The following ADI1 variants were observed in gnomAD, a reference collection of about 807,000 sequenced individuals.
ADI1 encodes the protein acireductone dioxygenase 1.
ADI1 carries 21 observed loss-of-function variants against 18.7 expected under a neutral mutation model. The observed-to-expected ratio is 1.13, with a 90% confidence interval of 0.80 to 1.62. The LOEUF (loss-of-function observed/expected upper bound fraction) is 1.62. Ranked by LOEUF, ADI1 falls within the 40% of genes most tolerant of loss-of-function variation. The pLI, the probability that ADI1 is intolerant of heterozygous loss-of-function variation, is 0.00. For missense variants in ADI1, 245 were observed against 254.9 expected, an observed-to-expected ratio of 0.96 and a Z score of 0.26; for synonymous variants, 90 against 100.1, an observed-to-expected ratio of 0.90 and a Z score of 0.60.
chr2:3,519,179 C>T, intron 1 of ADI1, 189 bp downstream of exon 1: 1 of 825,316 alleles, frequency 1.2e-6, no homozygotes, highest in Non-Finnish European at 1.7e-6. Context: ...CCACCCAGCC[C>T]CACTGCTGAG....
At chr2:3,513,446 G>A (rs886575427) in intron 2 of ADI1, among the ~76,000 whole-genome samples, 56 of 152,254 alleles carry the variant, frequency 3.7e-4, no homozygotes, top group Non-Finnish European at 7.2e-4. Flanking sequence ...TCATGAGGGT[G>A]GATTTCTCAT....
intron 2 of ADI1, among the ~76,000 whole-genome samples, chr2:3,510,339 T>C (rs569484848): frequency 2.5e-4 from 38 of 151,998 alleles, no homozygotes; most frequent in African/African-American, 8.4e-4. Flanking sequence ...TCTAGAATAA[T>C]AATAATAATA....
chr2:3,509,946 C>A (rs1486694857), intron 2 of ADI1, among the ~76,000 whole-genome samples: 12 of 151,954 alleles, frequency 7.9e-5, no homozygotes, highest in Non-Finnish European at 1.5e-4. Flanking sequence ...GAGTTTGAGA[C>A]CAGCCTGACC....
intron 2 of ADI1, among the ~76,000 whole-genome samples, chr2:3,510,390 A>C (rs11127437): frequency 0.5 from 76,286 of 151,920 alleles, 22,435 homozygotes; most frequent in African/African-American, 0.83. Context: ...TCAGCTTCCA[A>C]CTAGGGAACT....
chr2:3,499,458 C>T (rs10204394), intron 3 of ADI1, among the ~76,000 whole-genome samples: 45,628 of 152,188 alleles, frequency 0.3, 9,889 homozygotes, highest in African/African-American at 0.61. Flanking sequence ...TCAGGGCCCA[C>T]ATGTTGCTGG....
At chr2:3,516,784 G>A in intron 1 of ADI1, 1 of 985,378 alleles carries the variant, frequency 1.0e-6, no homozygotes. Flanking sequence ...AGGTTTTTTA[G>A]AACTCTATGT....
chr2:3,501,819 C>A (rs551724175), intron 2 of ADI1, among the ~76,000 whole-genome samples: 1 of 152,106 alleles, frequency 6.6e-6, no homozygotes, highest in Admixed American at 6.6e-5. Context: ...GAAGCCACCA[C>A]GCCTGGTCTG....
chr2:3,500,329 A>T (rs1666966449), intron 3 of ADI1, among the ~76,000 whole-genome samples: 1 of 144,822 alleles, frequency 6.9e-6, no homozygotes, highest in African/African-American at 2.7e-5. Flanking sequence ...AAACTACCTT[A>T]TCTGTGTTTA....
At chr2:3,500,709 C>T (rs913990457) in intron 3 of ADI1, 105 bp downstream of exon 3, 5 of 1,476,282 alleles carry the variant, frequency 3.4e-6, no homozygotes, top group African/African-American at 2.8e-5. Flanking sequence ...CCGAGCCCAG[C>T]GACCGCGCTT....
Position 3,497,758 on chromosome 2 carries a change from C to A in ADI1, c.*1205G>T, listed in dbSNP as rs1184644483. ...AACTAGAGTCCGCAGGAGGCCAGCC[C>A]CGCACGAGGAGTTTCAAACACTAAG... On this transcript the variant is annotated 3_prime_UTR_variant, in exon 4 of 4. Transcript: ENST00000327435. 3 of 152,186 alleles carry A rather than the reference C, an allele frequency of 2.0e-5. No individual in the cohort carries two copies. The highest frequency in any genetic ancestry group is 4.4e-5 in the Non-Finnish European group (3 of 68,042). The allele number at this position is 152,186 out of a possible 1,614,324, so 9.4% of individuals were successfully genotyped here.
In ADI1 at chr2:3,498,948, T is replaced by C; in HGVS notation, c.*15A>G. 1 of 1,600,960 alleles carries C rather than the reference T, an allele frequency of 6.2e-7. No individual in the cohort carries two copies. The highest frequency in any genetic ancestry group is 8.5e-7 in the Non-Finnish European group (1 of 1,170,042). On this transcript the variant is annotated 3_prime_UTR_variant, in exon 4 of 4. Transcript: ENST00000327435. Reference sequence around the variant, plus strand: ...GGACCTTTACGAGGCACGTGTTAGTTCCCAGGCAGCACTGCTAGGCGGTCT... The same window carrying C: ...GGACCTTTACGAGGCACGTGTTAGTCCCCAGGCAGCACTGCTAGGCGGTCT...
intron 1 of ADI1, chr2:3,516,623 C>A: frequency 1.4e-6 from 1 of 699,576 alleles, no homozygotes; most frequent in Non-Finnish European, 1.8e-6. Flanking sequence ...TAATCTTGGA[C>A]TTCTTAGCCT....
At chr2:3,504,479 C>T (rs1018453006) in intron 2 of ADI1, among the ~76,000 whole-genome samples, 2 of 152,184 alleles carry the variant, frequency 1.3e-5, no homozygotes, top group Non-Finnish European at 2.9e-5. Flanking sequence ...CAGAGTCACA[C>T]CATTTACATC....
chr2:3,514,068 TC>T, intron 1 of ADI1, 92 bp from the exon 2 acceptor site: 1 of 1,410,460 alleles, frequency 7.1e-7, no homozygotes, highest in Non-Finnish European at 9.5e-7. Context: ...GATTTTATAC[TC>T]CAAATTTATC....
chr2:3,503,848 C>T (rs1667108372), intron 2 of ADI1, among the ~76,000 whole-genome samples: 1 of 152,098 alleles, frequency 6.6e-6, no homozygotes. Context: ...AAGAATAGAC[C>T]CTAGACCAAC....
intron 2 of ADI1, among the ~76,000 whole-genome samples, chr2:3,502,917 A>G (rs1013010124): frequency 6.6e-6 from 1 of 152,032 alleles, no homozygotes; most frequent in Non-Finnish European, 1.5e-5. Context: ...AGAGGATGGG[A>G]AAAAACATTG....
chr2:3,519,237 T>TC, intron 1 of ADI1, 131 bp downstream of exon 1: 2 of 1,247,128 alleles, frequency 1.6e-6, no homozygotes, highest in Non-Finnish European at 2.0e-6. Flanking sequence ...AACCCCCAAA[T>TC]CCCGCTGCTG....
chr2:3,511,272 T>C (rs2103210648), intron 2 of ADI1, among the ~76,000 whole-genome samples: 1 of 152,224 alleles, frequency 6.6e-6, no homozygotes, highest in South Asian at 2.1e-4. Context: ...TAGAAGCAGA[T>C]GGTGGTGCCA....
rs752558500 is a variant in ADI1, at chr2:3,499,091, C to T, written c.421-9G>A. On this transcript the variant is annotated splice_polypyrimidine_tract_variant and intron_variant, in intron 3 of 3. Coordinates refer to ENST00000327435, the MANE Select transcript of ADI1 (RefSeq NM_018269.4). ...ATGGCCTTCGTGTAGTTCTGGAAAACAGACAAACACACCCAGCATCTCATT... is the reference window on the plus strand; with the variant it reads ...ATGGCCTTCGTGTAGTTCTGGAAAATAGACAAACACACCCAGCATCTCATT... The T allele has an allele frequency of 1.2e-6, 2 of 1,612,036 alleles. No homozygotes were observed. The highest frequency in any genetic ancestry group is 1.7e-6 in the Non-Finnish European group (2 of 1,178,388).
Sources: allele counts gnomAD v4.1 joint callset (sites outside exome capture counted in the v4.1 genomes callset), GRCh38; gene constraint gnomAD v4.1.1; transcripts MANE v1.5; gene names NCBI Gene and HGNC (gene_info 2026-07-23, HGNC 2026-07-21).